KIAA1217: variants seen among roughly 807,000 people sequenced by gnomAD.
The protein encoded by KIAA1217 is KIAA1217, also known as sickle tail protein homolog.
Under a neutral mutation model 163.9 loss-of-function variants are expected in KIAA1217, and 88 were observed. That is an observed-to-expected ratio of 0.54 (90% CI 0.45 to 0.64). KIAA1217 has a LOEUF of 0.64. KIAA1217 is among the 30% of genes least tolerant of loss of function. The pLI is 0.00. For missense variants in KIAA1217, 2,372 were observed against 2,475.0 expected, an observed-to-expected ratio of 0.96 and a Z score of 0.88; for synonymous variants, 903 against 923.1, an observed-to-expected ratio of 0.98 and a Z score of 0.39.
intron 1 of KIAA1217, among the ~76,000 whole-genome samples, chr10:23,934,599 ATATATATG>A (rs1564545755): frequency 3.6e-5 from 3 of 82,314 alleles, no homozygotes; most frequent in South Asian, 3.1e-4. Flanking sequence ...ATGTATATAT[ATATATATG>A]TATATATATA....
At chr10:24,246,821 C>T (rs1379502165) in intron 2 of KIAA1217, among the ~76,000 whole-genome samples, 1 of 151,992 alleles carries the variant, frequency 6.6e-6, no homozygotes, top group African/African-American at 2.4e-5. Flanking sequence ...TGAGACCAGC[C>T]TGGCCAACAT....
intron 2 of KIAA1217, among the ~76,000 whole-genome samples, chr10:24,040,635 G>T (rs1409839467): frequency 6.6e-6 from 1 of 152,160 alleles, no homozygotes; most frequent in Non-Finnish European, 1.5e-5. Flanking sequence ...CATTACATTT[G>T]CAGGACACTT....
intron 3 of KIAA1217, among the ~76,000 whole-genome samples, chr10:24,382,017 C>CTT (rs111726524): frequency 7.0e-5 from 10 of 142,080 alleles, no homozygotes; most frequent in African/African-American, 1.5e-4. Flanking sequence ...GTATCATTTC[C>CTT]TTTTTTTTTT....
At chr10:24,450,680 T>A (rs1268026660) in intron 5 of KIAA1217, among the ~76,000 whole-genome samples, 1 of 152,222 alleles carries the variant, frequency 6.6e-6, no homozygotes, top group Non-Finnish European at 1.5e-5. Flanking sequence ...TTACGTAATA[T>A]CTATTATTCT....
intron 1 of KIAA1217, among the ~76,000 whole-genome samples, chr10:23,720,945 G>T (rs1837847765): frequency 6.6e-6 from 1 of 152,034 alleles, no homozygotes; most frequent in South Asian, 2.1e-4. Context: ...AAAACGAAAA[G>T]GTATGAATTC....
intron 1 of KIAA1217, among the ~76,000 whole-genome samples, chr10:23,813,585 C>T (rs1009725149): frequency 3.9e-5 from 6 of 152,038 alleles, no homozygotes; most frequent in African/African-American, 1.4e-4. Flanking sequence ...ATAAATCCTA[C>T]TATGTAATTT....
At chr10:24,125,653 C>T (rs950119846) in intron 2 of KIAA1217, among the ~76,000 whole-genome samples, 7 of 152,004 alleles carry the variant, frequency 4.6e-5, no homozygotes, top group African/African-American at 1.4e-4. Flanking sequence ...CACCATAGGA[C>T]CCCAGCAGCT....
intron 1 of KIAA1217, among the ~76,000 whole-genome samples, chr10:23,734,634 T>C (rs1164350007): frequency 6.6e-6 from 1 of 152,172 alleles, no homozygotes; most frequent in Non-Finnish European, 1.5e-5. Flanking sequence ...AACAATAGTT[T>C]GTTTGATTTT....
chr10:23,983,729 G>A (rs1025277313), intron 1 of KIAA1217, among the ~76,000 whole-genome samples: 2 of 152,144 alleles, frequency 1.3e-5, no homozygotes, highest in Non-Finnish European at 2.9e-5. Context: ...CTTCCCTCTT[G>A]ACTGCAAACA....
intron 1 of KIAA1217, among the ~76,000 whole-genome samples, chr10:23,776,413 A>T (rs937663713): frequency 4.0e-5 from 6 of 151,338 alleles, no homozygotes; most frequent in Non-Finnish European, 5.9e-5. Context: ...CTAATTCATT[A>T]TTGCTTTATT....
intron 1 of KIAA1217, among the ~76,000 whole-genome samples, chr10:23,782,746 A>AG (rs1404689010): frequency 6.6e-6 from 1 of 152,144 alleles, no homozygotes; most frequent in Non-Finnish European, 1.5e-5. Context: ...TGGAGTCTTT[A>AG]GGGTTTTCCA....
chr10:24,443,389 C>T (rs78507689), intron 5 of KIAA1217, among the ~76,000 whole-genome samples: 11,619 of 152,204 alleles, frequency 0.076, 620 homozygotes, highest in East Asian at 0.17. Context: ...CCTTCATTAT[C>T]TCTCTACTGA....
intron 1 of KIAA1217, among the ~76,000 whole-genome samples, chr10:23,777,954 C>CTTTTTTTTTTTTTTTTTTT (rs1322813122): frequency 2.0e-5 from 3 of 151,526 alleles, no homozygotes; most frequent in Admixed American, 6.6e-5. Context: ...TTTTCTTTTT[C>CTTTTTTTTTTTTTTTTTTT]TTTTTTGAGA....
At chr10:24,030,733 CT>C (rs1452753737) in intron 2 of KIAA1217, among the ~76,000 whole-genome samples, 4 of 152,160 alleles carry the variant, frequency 2.6e-5, no homozygotes, top group African/African-American at 9.7e-5. Flanking sequence ...AATTTGGCAA[CT>C]CTAGGAACCT....
At chr10:24,288,793 A>G (rs2078811542) in intron 2 of KIAA1217, among the ~76,000 whole-genome samples, 1 of 152,192 alleles carries the variant, frequency 6.6e-6, no homozygotes, top group South Asian at 2.1e-4. Context: ...ATGCTTGGAC[A>G]TGAGACAGCT....
intron 2 of KIAA1217, among the ~76,000 whole-genome samples, chr10:24,065,206 G>A (rs2060890400): frequency 6.6e-6 from 1 of 152,034 alleles, no homozygotes; most frequent in Non-Finnish European, 1.5e-5. Flanking sequence ...GTTTGCTCTT[G>A]CTTCTCTAGT....
At chr10:24,496,327 G>A (rs1028479977) in intron 8 of KIAA1217, among the ~76,000 whole-genome samples, 3 of 152,220 alleles carry the variant, frequency 2.0e-5, no homozygotes, top group African/African-American at 4.8e-5. Flanking sequence ...ATTATTTCAC[G>A]GAAATTGCTA....
intron 2 of KIAA1217, among the ~76,000 whole-genome samples, chr10:24,087,913 G>T (rs1016588801): frequency 2.7e-5 from 2 of 73,642 alleles, no homozygotes; most frequent in African/African-American, 5.8e-5. Context: ...CAGAGCTGTG[G>T]TGGCCTCCCA....
At chr10:24,330,655 A>T (rs959235982) in intron 2 of KIAA1217, among the ~76,000 whole-genome samples, 2 of 152,092 alleles carry the variant, frequency 1.3e-5, no homozygotes, top group South Asian at 4.1e-4. Flanking sequence ...TAGCTCTGTC[A>T]CCCAGGCTAC....
Sources: allele counts gnomAD v4.1 joint callset (sites outside exome capture counted in the v4.1 genomes callset), GRCh38; gene constraint gnomAD v4.1.1; transcripts MANE v1.5; gene names NCBI Gene and HGNC (gene_info 2026-07-23, HGNC 2026-07-21).